Variants in UBL7 observed in about 807,000 individuals in gnomAD.
UBL7 encodes ubiquitin like 7, also known as ubiquitin-like protein 7.
A neutral mutation model predicts 41.7 loss-of-function variants in UBL7; 21 were observed. The ratio of observed to expected loss-of-function variants is 0.50; its 90% CI spans 0.36 to 0.73. The LOEUF (loss-of-function observed/expected upper bound fraction) is 0.73. UBL7 is among the 30% of genes least tolerant of loss of function. The pLI is 0.00. For synonymous variants in UBL7, 157 were observed against 186.9 expected, an observed-to-expected ratio of 0.84 and a Z score of 1.31; for missense variants, 403 against 478.4, an observed-to-expected ratio of 0.84 and a Z score of 1.47.
chr15:74,450,103 C>T, intron 6 of UBL7, 34 bp from the exon 7 acceptor site: 1 of 1,584,402 alleles, frequency 6.3e-7, no homozygotes, highest in Non-Finnish European at 8.6e-7. Context: ...CCAAGGGTGA[C>T]TCCAAAAGAG....
rs1165155776 is a variant in UBL7, at chr15:74,446,226, CT to C, written c.1006del (p.Ser336AlafsTer20). 6.2e-7 allele frequency: 1 copy of C among 1,613,648 alleles called. No homozygotes were observed. Among genetic ancestry groups the C allele is most frequent in the Non-Finnish European group, 8.5e-7 (1 of 1,179,854 alleles). On this transcript the variant is annotated frameshift_variant and splice_region_variant, in exon 11 of 11. Transcript: ENST00000395081. LOFTEE classifies it high-confidence loss of function. The surrounding 1 kb of genome is among the most constrained non-coding windows in gnomAD (Gnocchi z 4.1). ...LQASGQPSLQ[S>X]QWQPQLQQLR... ...CTGCTGCAGCTGGGGCTGCCACTGG[CT>C]CTGTGGAAAGATAGGAATGGGCAGA... is the stretch of plus-strand genomic sequence containing the variant.
chr15:74,457,172 A>G (rs1312687940), intron 2 of UBL7, among the ~76,000 whole-genome samples: 9 of 152,210 alleles, frequency 5.9e-5, no homozygotes, highest in African/African-American at 2.4e-5. Context: ...CTTACATCGA[A>G]TCTGGCCAGA....
In UBL7 at chr15:74,451,398, G is replaced by A. The variant is rs377551175; in HGVS notation, c.472+38C>T. 118 of 1,566,510 alleles carry A rather than the reference G, an allele frequency of 7.5e-5. 1 individual carries two copies. Among genetic ancestry groups the A allele is most frequent in the South Asian group, 1.9e-4 (17 of 89,268 alleles). On this transcript the variant is annotated intron_variant, in intron 5 of 10. Transcript: ENST00000395081. The stretch of plus-strand genomic sequence containing the variant: ...GTCTTCTCCTGTTTTCTCCTTTTCC[G>A]ACAACTCCTATTTCCTCAAATTCAG...
intron 3 of UBL7, among the ~76,000 whole-genome samples, chr15:74,452,625 G>A (rs1023093431): frequency 6.6e-6 from 1 of 152,184 alleles, no homozygotes; most frequent in African/African-American, 2.4e-5. Flanking sequence ...AATTCAAGTT[G>A]CAGCAGAGGA....
In UBL7 at chr15:74,446,248, G is replaced by A; in HGVS notation, c.1006-21C>T. On this transcript the variant is annotated intron_variant, in intron 10 of 10. Coordinates refer to ENST00000395081, the MANE Select transcript of UBL7 (RefSeq NM_032907.5). This position sits in a 1 kb window ranked among gnomAD's most constrained non-coding sequence, Gnocchi z 4.1. ...TGGCTCTGTGGAAAGATAGGAATGG[G>A]CAGAAGCTGTTAGCTGGGATCCAGT... 6.2e-7 allele frequency: 1 copy of A among 1,613,350 alleles called. No individual in the cohort carries two copies. Among genetic ancestry groups the A allele is most frequent in the Non-Finnish European group, 8.5e-7 (1 of 1,179,666 alleles).
rs115171791 is a variant in UBL7, at chr15:74,449,527, T to A, written c.714+99A>T. On this transcript the variant is annotated intron_variant, in intron 8 of 10. Transcript: ENST00000395081. ...TTGGCCCCCCAATGGCGTATGTCCA[T>A]CTCCCAGCCTTGGGAGTGCCAGGTC... 49 of 1,585,020 alleles carry A rather than the reference T, an allele frequency of 3.1e-5. No homozygotes were observed. The African/African-American group carries it at 6.2e-4, about 20-fold the overall frequency.
chr15:74,459,932 CAAAAAAAAAAAAAA>C (rs55846825), intron 1 of UBL7, among the ~76,000 whole-genome samples: 4 of 18,246 alleles, frequency 2.2e-4, no homozygotes, highest in Non-Finnish European at 3.4e-4. Context: ...GACTCTGTCG[CAAAAAAAAAAAAAA>C]AAAAAAAAAA....
In UBL7 at chr15:74,460,525, C is replaced by G. The variant is rs2061338658; in HGVS notation, c.-30+512G>C. The stretch of plus-strand genomic sequence containing the variant: ...GAAACCAACACAGATTCAATAACCT[C>G]AGTCCCCTCTCTTTCCTCTGTTGTT... On this transcript the variant is annotated intron_variant, in intron 1 of 10. Transcript: ENST00000395081. 7 of 435,728 alleles carry G rather than the reference C, an allele frequency of 1.6e-5. No individual in the cohort carries two copies. In the Admixed American group the frequency reaches 2.7e-4, roughly 17 times the overall value. 27.0% of individuals were successfully genotyped at this position (435,728 alleles called of 1,614,324 possible).
At chr15:74,450,775 A>ACC in intron 6 of UBL7, 27 bp downstream of exon 6, 1 of 1,611,402 alleles carries the variant, frequency 6.2e-7, no homozygotes, top group Non-Finnish European at 8.5e-7. Context: ...GAGAGAAGGT[A>ACC]CCCTCTAATA....
intron 1 of UBL7, among the ~76,000 whole-genome samples, chr15:74,460,016 C>T (rs891835529): frequency 6.0e-5 from 9 of 149,394 alleles, no homozygotes; most frequent in African/African-American, 2.0e-4. Flanking sequence ...CCGCGGAGGA[C>T]GGATCACTTA....
chr15:74,450,157 A>G (rs2141314425), intron 6 of UBL7, 88 bp from the exon 7 acceptor site: 1 of 1,420,468 alleles, frequency 7.0e-7, no homozygotes, highest in East Asian at 2.5e-5. Context: ...CCTCACAACA[A>G]TGCAGCCACC....
At chr15:74,450,673 G>A (rs1280973998) in intron 6 of UBL7, 129 bp downstream of exon 6, 22 of 917,216 alleles carry the variant, frequency 2.4e-5, no homozygotes, top group African/African-American at 3.3e-5. Context: ...ACCCCCTGAC[G>A]TATCTAAGGG....
At chr15:74,449,573 A>C in intron 8 of UBL7, 53 bp downstream of exon 8, 1 of 1,613,600 alleles carries the variant, frequency 6.2e-7, no homozygotes, top group Non-Finnish European at 8.5e-7. Flanking sequence ...GCTCATTCCC[A>C]GCACCATCTC....
At position 74,448,471 on chromosome 15, in the gene UBL7, G is replaced by A. The variant is rs750028656; in HGVS notation, c.1005+7C>T. 40 of 1,613,634 alleles carry A rather than the reference G, an allele frequency of 2.5e-5. 1 individual carries two copies. The highest frequency in any genetic ancestry group is 3.4e-5 in the Non-Finnish European group (40 of 1,179,718). The stretch of plus-strand genomic sequence containing the variant: ...CACATGGAAACCAAGACGTGGGGAA[G>A]ACTGACCTGAAGGCTGGGCTGCCCA... On this transcript the variant is annotated splice_region_variant and intron_variant, in intron 10 of 10. Transcript: ENST00000395081.
intron 2 of UBL7, 90 bp from the exon 3 acceptor site, chr15:74,456,761 G>A (rs2061299122): frequency 2.1e-6 from 3 of 1,411,194 alleles, no homozygotes; most frequent in South Asian, 1.3e-5. Flanking sequence ...TTAGATAGCT[G>A]GAGAATGATA....
intron 10 of UBL7, among the ~76,000 whole-genome samples, chr15:74,447,698 C>A (rs1330097215): frequency 6.6e-6 from 1 of 152,004 alleles, no homozygotes; most frequent in Non-Finnish European, 1.5e-5. Flanking sequence ...CAGAGTGACA[C>A]CCTGTCTCAA....
intron 1 of UBL7, 120 bp downstream of exon 1, chr15:74,460,917 C>T: frequency 3.5e-6 from 4 of 1,154,240 alleles, no homozygotes; most frequent in Non-Finnish European, 4.3e-6. Context: ...CACAACGGTT[C>T]CCTAAGGCAG....
At chr15:74,451,284 G>A (rs1442177835) in intron 5 of UBL7, 152 bp downstream of exon 5, 11 of 691,188 alleles carry the variant, frequency 1.6e-5, no homozygotes, top group Non-Finnish European at 2.7e-5. Flanking sequence ...TTAAAGGGCT[G>A]GGGATATCAA....
At chr15:74,448,456 C>G (rs769880566) in intron 10 of UBL7, 22 bp downstream of exon 10, 81 of 1,612,414 alleles carry the variant, frequency 5.0e-5, no homozygotes, top group Non-Finnish European at 6.4e-5. Context: ...CACATGGAAA[C>G]CAAGACGTGG....
Sources: allele counts gnomAD v4.1 joint callset (sites outside exome capture counted in the v4.1 genomes callset), GRCh38; gene constraint gnomAD v4.1.1; non-coding constraint Gnocchi (gnomAD v3.1); transcripts MANE v1.5; gene names NCBI Gene and HGNC (gene_info 2026-07-23, HGNC 2026-07-21).